The following SGCZ variants were observed in gnomAD, a reference collection of about 807,000 sequenced individuals.
The protein encoded by SGCZ is zeta-sarcoglycan.
SGCZ carries 40 observed loss-of-function variants against 41.3 expected under a neutral mutation model. The ratio of observed to expected loss-of-function variants is 0.97; its 90% confidence interval spans 0.75 to 1.26. The LOEUF is 1.26. Ranked by LOEUF, SGCZ falls within the 50% of genes most tolerant of loss-of-function variation. The pLI is 0.00. For synonymous variants in SGCZ, 206 were observed against 137.5 expected, an observed-to-expected ratio of 1.50 and a Z score of -3.49; for missense variants, 552 against 369.8, an observed-to-expected ratio of 1.49 and a Z score of -4.04.
chr8:14,347,353 G>A (rs1802925111), intron 2 of SGCZ, among the ~76,000 whole-genome samples: 1 of 151,962 alleles, frequency 6.6e-6, no homozygotes, highest in South Asian at 2.1e-4. Flanking sequence ...TTCTTAAATT[G>A]CCACAAAACT....
intron 1 of SGCZ, among the ~76,000 whole-genome samples, chr8:15,072,947 C>T (rs1458466097): frequency 2.6e-5 from 4 of 152,086 alleles, no homozygotes; most frequent in Admixed American, 6.5e-5. Context: ...CACAGAGATG[C>T]AGCTTGTCTC....
At chr8:14,279,167 C>T (rs911100665) in intron 3 of SGCZ, among the ~76,000 whole-genome samples, 3 of 151,888 alleles carry the variant, frequency 2.0e-5, no homozygotes, top group Non-Finnish European at 4.4e-5. Context: ...TATTAAGAAG[C>T]TCAATAGGTC....
At chr8:14,120,830 C>G (rs1802674782) in intron 5 of SGCZ, among the ~76,000 whole-genome samples, 1 of 151,986 alleles carries the variant, frequency 6.6e-6, no homozygotes, top group Non-Finnish European at 1.5e-5. Flanking sequence ...GTAAGATTAT[C>G]CTATCCTAAA....
In SGCZ at chr8:14,085,939, A is replaced by G. The variant is rs927343466; in HGVS notation, c.*4504T>C. 2.0e-5 allele frequency among the ~76,000 whole-genome samples: 3 copies of G among 151,846 alleles called. No homozygotes were observed. Among genetic ancestry groups the G allele is most frequent in the African/African-American group, 7.2e-5 (3 of 41,432 alleles). Reference sequence around the variant, plus strand: ...CCATTCTTTGGTCTTTGACATTTAAACAACTAATAAATTTCAGTATAAAAC... The same window carrying G: ...CCATTCTTTGGTCTTTGACATTTAAGCAACTAATAAATTTCAGTATAAAAC... On this transcript the variant is annotated 3_prime_UTR_variant, in exon 8 of 8. Transcript: ENST00000382080.
At chr8:14,324,030 T>G in intron 3 of SGCZ, 73 bp downstream of exon 3, 1 of 974,930 alleles carries the variant, frequency 1.0e-6, no homozygotes, top group Non-Finnish European at 1.6e-6. Flanking sequence ...AAGGGGATTC[T>G]ACCCTGCTAT....
chr8:14,609,978 A>C (rs11203641), intron 1 of SGCZ, among the ~76,000 whole-genome samples: 55,497 of 151,770 alleles, frequency 0.37, 10,341 homozygotes, highest in East Asian at 0.62. Flanking sequence ...GAATACATTC[A>C]TATTTTTGTT....
chr8:14,482,541 T>C (rs1379114059), intron 2 of SGCZ, among the ~76,000 whole-genome samples: 3 of 152,136 alleles, frequency 2.0e-5, no homozygotes, highest in African/African-American at 7.2e-5. Flanking sequence ...TTTTCTTGCT[T>C]GATTAAGACG....
chr8:14,566,720 C>T (rs1804376028), intron 1 of SGCZ, among the ~76,000 whole-genome samples: 1 of 152,258 alleles, frequency 6.6e-6, no homozygotes, highest in African/African-American at 2.4e-5. Context: ...CCCACTCTGG[C>T]CGTACTTGAG....
chr8:15,201,162 C>A (rs569406504), intron 1 of SGCZ, among the ~76,000 whole-genome samples: 1 of 152,188 alleles, frequency 6.6e-6, no homozygotes, highest in Non-Finnish European at 1.5e-5. Flanking sequence ...GACTACAGGC[C>A]TGTGCCATCA....
At chr8:15,074,365 T>C (rs1252810578) in intron 1 of SGCZ, among the ~76,000 whole-genome samples, 1 of 152,198 alleles carries the variant, frequency 6.6e-6, no homozygotes, top group African/African-American at 2.4e-5. Flanking sequence ...GTATGAGCTT[T>C]GAATTCTGTT....
At chr8:14,558,574 TAGAGAGAGAGAGAGAGAG>T (rs146179658) in intron 1 of SGCZ, among the ~76,000 whole-genome samples, 1 of 99,748 alleles carries the variant, frequency 1.0e-5, no homozygotes, top group Non-Finnish European at 2.0e-5. Context: ...GAATGACTCT[TAGAGAGAGAGAGAGAGAG>T]AGAGAGAGAG....
At chr8:14,991,539 ATGCTTTCCTTGAATATTATCAAAG>A (rs1033266375) in intron 1 of SGCZ, among the ~76,000 whole-genome samples, 1 of 152,090 alleles carries the variant, frequency 6.6e-6, no homozygotes, top group African/African-American at 2.4e-5. Flanking sequence ...TGGCCACGTG[ATGCTTTCCTTGAATATTATCAAAG>A]CACTTATGCC....
Position 14,089,195 on chromosome 8 carries a change from G to C in SGCZ, c.*1248C>G, listed in dbSNP as rs1206528836. The stretch of plus-strand genomic sequence containing the variant: ...AAAAGAACTATAATTTTTGAGGTCA[G>C]GGTAGCCTAACAACGATCTAATAAA... On this transcript the variant is annotated 3_prime_UTR_variant, in exon 8 of 8. Coordinates refer to ENST00000382080, the MANE Select transcript of SGCZ (RefSeq NM_139167.4). Among the ~76,000 whole-genome samples the C allele has an allele frequency of 6.6e-6, 1 of 151,894 alleles. No individual in the cohort carries two copies. The highest frequency in any genetic ancestry group is 1.5e-5 in the Non-Finnish European group (1 of 67,922).
chr8:14,497,693 A>G (rs1443945607), intron 2 of SGCZ, among the ~76,000 whole-genome samples: 1 of 151,992 alleles, frequency 6.6e-6, no homozygotes, highest in Non-Finnish European at 1.5e-5. Context: ...AAGCCAAAAG[A>G]CTGGACATTC....
At chr8:14,263,830 T>G (rs1277316709) in intron 3 of SGCZ, among the ~76,000 whole-genome samples, 1 of 151,928 alleles carries the variant, frequency 6.6e-6, no homozygotes, top group Admixed American at 6.6e-5. Flanking sequence ...CTCTCCCAAC[T>G]CCAAGAAGCA....
chr8:14,990,206 A>C (rs532509090), intron 1 of SGCZ, among the ~76,000 whole-genome samples: 1 of 152,296 alleles, frequency 6.6e-6, no homozygotes, highest in East Asian at 1.9e-4. Context: ...TGCTTAGAGT[A>C]GAAAATCAAA....
At chr8:14,708,174 C>T (rs1030960326) in intron 1 of SGCZ, among the ~76,000 whole-genome samples, 4 of 151,466 alleles carry the variant, frequency 2.6e-5, no homozygotes, top group Non-Finnish European at 4.4e-5. Flanking sequence ...AATTTTCATT[C>T]GATTTTGTCT....
chr8:14,895,351 A>C (rs1805157780), intron 1 of SGCZ, among the ~76,000 whole-genome samples: 1 of 152,110 alleles, frequency 6.6e-6, no homozygotes, highest in Admixed American at 6.5e-5. Context: ...AATGAGTTAA[A>C]TAATTAAAGT....
chr8:15,236,725 G>C (rs978396313), intron 1 of SGCZ, among the ~76,000 whole-genome samples: 6 of 152,154 alleles, frequency 3.9e-5, no homozygotes, highest in African/African-American at 1.2e-4. Flanking sequence ...CATAGGCAGA[G>C]GGGCGCGTTG....
Sources: gnomAD v4.1 joint callset for allele counts (sites outside exome capture counted in the v4.1 genomes callset) on GRCh38, gnomAD v4.1.1 for gene constraint, MANE v1.5 for transcripts, NCBI Gene and HGNC (gene_info 2026-07-23, HGNC 2026-07-21) for gene names.